Variants in PLEKHA5 observed in about 807,000 individuals in gnomAD.
PLEKHA5 encodes the protein pleckstrin homology domain containing A5.
In PLEKHA5, 55 loss-of-function variants were observed where a neutral mutation model predicts 181.9. That is an observed-to-expected ratio of 0.30 (90% confidence interval 0.24 to 0.38). PLEKHA5 has a LOEUF of 0.38. Ranked by LOEUF, PLEKHA5 falls within the 10% of genes least tolerant of loss-of-function variation. The pLI, the probability that PLEKHA5 is intolerant of heterozygous loss-of-function variation, is 1.00. For synonymous variants in PLEKHA5, 535 were observed against 529.4 expected, an observed-to-expected ratio of 1.01 and a Z score of -0.15; for missense variants, 1,432 against 1,549.5, an observed-to-expected ratio of 0.92 and a Z score of 1.27.
At chr12:19,215,412 A>G (rs528582884) in intron 3 of PLEKHA5, among the ~76,000 whole-genome samples, 155 of 152,314 alleles carry the variant, frequency 1.0e-3, no homozygotes, top group Non-Finnish European at 1.6e-3. Flanking sequence ...TAGCATGCAG[A>G]AATGGCCAGG....
chr12:19,372,472 AG>A (rs1286228380), intron 31 of PLEKHA5: 3 of 145,524 alleles, frequency 2.1e-5, no homozygotes, highest in African/African-American at 7.6e-5. Context: ...TTGGATGCAT[AG>A]TTTGCAAATA....
Position 19,233,898 on chromosome 12 carries a change from G to A in PLEKHA5, c.228-20042G>A, listed in dbSNP as rs991283390. Among the ~76,000 whole-genome samples the A allele has an allele frequency of 3.3e-5, 5 of 152,164 alleles. No individual in the cohort carries two copies. In the South Asian group the frequency reaches 1.0e-3, roughly 32 times the overall value. On this transcript the variant is annotated intron_variant, in intron 3 of 31. Transcript: ENST00000429027. ...TTAGGATTCCCCTTGATTTAAAGAC[G>A]TTTATTAGCTCTCACGAAGTAGTGG...
chr12:19,255,090 A>G lies in PLEKHA5; in HGVS notation c.357A>G (p.Ile119Met), dbSNP rs757474766. The G allele has an allele frequency of 1.1e-5, 18 of 1,609,350 alleles. No individual in the cohort carries two copies. The Admixed American group carries it at 2.7e-4, about 24-fold the overall frequency. Residue 119 changes from isoleucine (I) to methionine (M), a missense_variant, in exon 5 of 32, where the codon ATA becomes ATG. This residue lies in a region of PLEKHA5 where 289 missense variants were observed against 381.1 expected (regional missense o/e 0.76). Transcript: ENST00000429027. ...CTGAAGAAAAGAAGGAACGGCCAAT[A>G]AGTATGATAAATGAAGCTTCTAACT... is the stretch of plus-strand genomic sequence containing the variant. ...MTSEEKKERP[I>M]SMINEASNYN...
At chr12:19,297,105 A>G (rs1295015051) in intron 15 of PLEKHA5, among the ~76,000 whole-genome samples, 1 of 152,144 alleles carries the variant, frequency 6.6e-6, no homozygotes, top group East Asian at 1.9e-4. Context: ...GGAGATGTGC[A>G]GAAGGATCCA....
chr12:19,345,105 A>T (rs560787041), intron 22 of PLEKHA5, among the ~76,000 whole-genome samples: 17 of 151,392 alleles, frequency 1.1e-4, no homozygotes, highest in African/African-American at 3.9e-4. Flanking sequence ...AAAACAATAA[A>T]GAAATAAAAA....
At chr12:19,251,218 A>G (rs2065175550) in intron 3 of PLEKHA5, among the ~76,000 whole-genome samples, 2 of 152,094 alleles carry the variant, frequency 1.3e-5, no homozygotes, top group South Asian at 4.1e-4. Flanking sequence ...CAGCCTGGCC[A>G]ACATGGCAAA....
intron 30 of PLEKHA5, 142 bp downstream of exon 30, chr12:19,366,251 C>G (rs2095418861): frequency 1.5e-6 from 1 of 669,802 alleles, no homozygotes; most frequent in Non-Finnish European, 2.5e-6. Flanking sequence ...CCAAGTGTAC[C>G]TTCAGGAGGA....
chr12:19,148,380 T>G (rs1485112207), intron 3 of PLEKHA5, among the ~76,000 whole-genome samples: 1 of 152,228 alleles, frequency 6.6e-6, no homozygotes, highest in African/African-American at 2.4e-5. Context: ...GTATTAATAC[T>G]CAGGCTCTGC....
intron 3 of PLEKHA5, among the ~76,000 whole-genome samples, chr12:19,179,897 G>T (rs1021798617): frequency 5.9e-5 from 9 of 152,104 alleles, no homozygotes; most frequent in African/African-American, 1.7e-4. Flanking sequence ...AAAGGGTCTC[G>T]CTATATTTCC....
Position 19,130,078 on chromosome 12 carries a change from G to T in PLEKHA5, c.117G>T (p.Leu39=). ...AGGAGGCCAAGAGCACCACCTGGCT[G>T]CACCCCGTCACCGGCGAGGCGGTGG... ...INEEAKSTTW[L]HPVTGEAVVT... is the part of the protein sequence containing the mutation. Residue 39 remains leucine, a synonymous_variant, in exon 2 of 32, where the codon CTG becomes CTT. Transcript: ENST00000429027. This position sits in a 1 kb window ranked among gnomAD's most constrained non-coding sequence, Gnocchi z 4.5. The T allele has an allele frequency of 6.3e-7, 1 of 1,590,868 alleles. No individual in the cohort carries two copies. Among genetic ancestry groups the T allele is most frequent in the South Asian group, 1.1e-5 (1 of 87,324 alleles).
In PLEKHA5 at chr12:19,222,679, T is replaced by C. The variant is rs141224981; in HGVS notation, c.228-31261T>C. Among the ~76,000 whole-genome samples the C allele has an allele frequency of 3.6e-3, 545 of 152,256 alleles. 2 individuals carry two copies. The highest frequency in any genetic ancestry group is 0.012 in the African/African-American group (513 of 41,548). On this transcript the variant is annotated intron_variant, in intron 3 of 31. Transcript: ENST00000429027. ...AGGGATGTGTAAATGATTTTTGAAA[T>C]GTCAGCACATCAGGTTTTCTTTTAG...
chr12:19,226,071 A>T (rs2059644823), intron 3 of PLEKHA5, among the ~76,000 whole-genome samples: 2 of 152,190 alleles, frequency 1.3e-5, no homozygotes, highest in Admixed American at 6.5e-5. Context: ...GTACATTGGT[A>T]TTTAATACAT....
chr12:19,224,136 T>G (rs567143560), intron 3 of PLEKHA5, among the ~76,000 whole-genome samples: 1 of 152,328 alleles, frequency 6.6e-6, no homozygotes, highest in East Asian at 1.9e-4. Flanking sequence ...TTAAAGTTAA[T>G]TACAGTGTAA....
chr12:19,142,348 A>C (rs1310615503), intron 3 of PLEKHA5, among the ~76,000 whole-genome samples: 1 of 152,196 alleles, frequency 6.6e-6, no homozygotes, highest in East Asian at 1.9e-4. Flanking sequence ...CAGCCTGGGC[A>C]ACTGAGCGAG....
chr12:19,179,582 C>A (rs898357761), intron 3 of PLEKHA5, among the ~76,000 whole-genome samples: 1 of 152,158 alleles, frequency 6.6e-6, no homozygotes. Context: ...ATCGCTTGAA[C>A]CCGGGAGGCA....
intron 3 of PLEKHA5, 50 bp from the exon 4 acceptor site, chr12:19,253,889 TG>T (rs1176331060): frequency 2.0e-6 from 2 of 1,021,192 alleles, no homozygotes; most frequent in Non-Finnish European, 1.5e-6. Context: ...AATAAATAAA[TG>T]GGAATTTTAA....
chr12:19,276,803 A>G (rs2074654790), intron 11 of PLEKHA5, among the ~76,000 whole-genome samples: 1 of 152,230 alleles, frequency 6.6e-6, no homozygotes, highest in African/African-American at 2.4e-5. Flanking sequence ...GTGAGGTAAT[A>G]CATATGTTAA....
intron 3 of PLEKHA5, among the ~76,000 whole-genome samples, chr12:19,195,404 CATCCCTGTA>C: frequency 6.6e-6 from 1 of 151,572 alleles, no homozygotes; most frequent in East Asian, 1.9e-4. Context: ...AGTGATAGCT[CATCCCTGTA>C]ATCCTAGCAC....
intron 3 of PLEKHA5, among the ~76,000 whole-genome samples, chr12:19,134,840 A>G (rs907505077): frequency 5.9e-5 from 9 of 152,150 alleles, no homozygotes; most frequent in Admixed American, 4.6e-4. Flanking sequence ...AACATAAACT[A>G]TATTTAGAAT....
Sources: allele counts gnomAD v4.1 joint callset (sites outside exome capture counted in the v4.1 genomes callset), GRCh38; gene constraint gnomAD v4.1.1; regional missense constraint gnomAD v4.1.1; non-coding constraint Gnocchi (gnomAD v3.1); transcripts MANE v1.5; gene names NCBI Gene and HGNC (gene_info 2026-07-23, HGNC 2026-07-21).